ELOVL5: variants seen among roughly 807,000 people sequenced by gnomAD.
ELOVL5 encodes the protein ELOVL fatty acid elongase 5.
A neutral mutation model predicts 38.6 loss-of-function variants in ELOVL5; 8 were observed. The ratio of observed to expected loss-of-function variants is 0.21; its 90% CI spans 0.12 to 0.37. The LOEUF (loss-of-function observed/expected upper bound fraction) is 0.37. ELOVL5 is among the 10% of genes least tolerant of loss of function. The pLI is 1.00. For synonymous variants in ELOVL5, 127 were observed against 133.7 expected, an observed-to-expected ratio of 0.95 and a Z score of 0.34; for missense variants, 280 against 367.8, an observed-to-expected ratio of 0.76 and a Z score of 1.95.
At chr6:53,300,801 C>T (rs1767219750) in intron 1 of ELOVL5, among the ~76,000 whole-genome samples, 1 of 152,222 alleles carries the variant, frequency 6.6e-6, no homozygotes, top group African/African-American at 2.4e-5. Flanking sequence ...TTCTTGAGAC[C>T]TTTCAGAGAG....
At chr6:53,286,006 C>G (rs2397139) in intron 3 of ELOVL5, among the ~76,000 whole-genome samples, 86,609 of 151,946 alleles carry the variant, frequency 0.57, 26,428 homozygotes, top group African/African-American at 0.81. Context: ...ATATGCACTG[C>G]GAAACCAAAA....
At chr6:53,320,252 G>C (rs1768242483) in intron 1 of ELOVL5, among the ~76,000 whole-genome samples, 1 of 152,128 alleles carries the variant, frequency 6.6e-6, no homozygotes, top group African/African-American at 2.4e-5. Flanking sequence ...AGGAGGCAGA[G>C]GTTGCAGTGA....
At chr6:53,330,517 C>CTTTTT (rs757160862) in intron 1 of ELOVL5, among the ~76,000 whole-genome samples, 4,249 of 91,400 alleles carry the variant, frequency 0.046, 587 homozygotes, top group East Asian at 0.15. Flanking sequence ...TCTTTATAAA[C>CTTTTT]TTTTTTTTTT....
chr6:53,315,710 CAG>C (rs200214079), intron 1 of ELOVL5, among the ~76,000 whole-genome samples: 2,889 of 152,284 alleles, frequency 0.019, 52 homozygotes, highest in Non-Finnish European at 0.03. Flanking sequence ...CTCAAAATGA[CAG>C]AGAGTTTGGA....
rs1277862183 is a variant in ELOVL5 at position 53,268,064 on chromosome 6, TA to T, written c.*1062del. On this transcript the variant is annotated 3_prime_UTR_variant, in exon 8 of 8. Transcript: ENST00000304434. Reference sequence around the variant, plus strand: ...GCTGTAGCTATATTTGATTTTACCTTAAAAAGTTCTAAGGTCCTTTCCCCCC... The same window carrying T: ...GCTGTAGCTATATTTGATTTTACCTTAAAAGTTCTAAGGTCCTTTCCCCCC... 6.6e-6 allele frequency: 1 copy of T among 152,216 alleles called. No individual in the cohort carries two copies. The highest frequency in any genetic ancestry group is 1.9e-4 in the East Asian group (1 of 5,206). The allele number at this position is 152,216 out of a possible 1,614,324, so 9.4% of individuals were successfully genotyped here.
intron 1 of ELOVL5, among the ~76,000 whole-genome samples, chr6:53,296,472 G>A (rs1294518589): frequency 6.6e-6 from 1 of 152,040 alleles, no homozygotes; most frequent in Non-Finnish European, 1.5e-5. Flanking sequence ...CAGTGAGAAT[G>A]AATATAGTTT....
At chr6:53,328,165 T>C (rs1038771915) in intron 1 of ELOVL5, among the ~76,000 whole-genome samples, 3 of 152,206 alleles carry the variant, frequency 2.0e-5, no homozygotes, top group African/African-American at 7.2e-5. Context: ...CACTGCCCAA[T>C]GAGACAGACA....
At position 53,344,201 on chromosome 6, in the gene ELOVL5, A is replaced by G. The variant is rs140061827; in HGVS notation, c.-9+4616T>C. 9.0e-4 allele frequency among the ~76,000 whole-genome samples: 137 copies of G among 152,346 alleles called. 3 individuals are homozygous for G. The South Asian group carries it at 0.011, about 13-fold the overall frequency. The stretch of plus-strand genomic sequence containing the variant: ...GAAGAAACAGCTAGTCTGGATATCT[A>G]TCTAGGCTGTGGGGCTATTTCCATC... On this transcript the variant is annotated intron_variant, in intron 1 of 7. Coordinates refer to ENST00000304434, the MANE Select transcript of ELOVL5 (RefSeq NM_021814.5).
At chr6:53,341,357 A>G (rs1769317388) in intron 1 of ELOVL5, among the ~76,000 whole-genome samples, 1 of 152,234 alleles carries the variant, frequency 6.6e-6, no homozygotes, top group South Asian at 2.1e-4. Flanking sequence ...CCTCTCATGT[A>G]TCTAAAGCTG....
At chr6:53,296,541 T>C (rs1165021851) in intron 1 of ELOVL5, among the ~76,000 whole-genome samples, 1 of 152,166 alleles carries the variant, frequency 6.6e-6, no homozygotes, top group African/African-American at 2.4e-5. Context: ...AGCTGTGATG[T>C]AAAATATATT....
intron 1 of ELOVL5, among the ~76,000 whole-genome samples, chr6:53,330,792 CT>C (rs1293012578): frequency 6.6e-6 from 1 of 151,958 alleles, no homozygotes; most frequent in Non-Finnish European, 1.5e-5. Context: ...ATTCTGTAAG[CT>C]TTTTTCTATT....
At chr6:53,346,364 T>G (rs991601229) in intron 1 of ELOVL5, among the ~76,000 whole-genome samples, 2 of 152,176 alleles carry the variant, frequency 1.3e-5, no homozygotes, top group African/African-American at 2.4e-5. Flanking sequence ...GGTGCTGCAA[T>G]AAACATACGT....
intron 2 of ELOVL5, among the ~76,000 whole-genome samples, 173 bp from the exon 3 acceptor site, chr6:53,292,136 A>C (rs551889419): frequency 1.3e-5 from 2 of 152,210 alleles, no homozygotes; most frequent in East Asian, 1.9e-4. Context: ...AACAAGGTGA[A>C]GCTCCTTGTT....
intron 7 of ELOVL5, among the ~76,000 whole-genome samples, chr6:53,269,819 A>C (rs1765858779): frequency 6.6e-6 from 1 of 152,226 alleles, no homozygotes; most frequent in Non-Finnish European, 1.5e-5. Context: ...TAAACTATGA[A>C]GCCCAGAAGT....
chr6:53,269,362 G>T, intron 7 of ELOVL5, 92 bp from the exon 8 acceptor site: 1 of 983,518 alleles, frequency 1.0e-6, no homozygotes, highest in Non-Finnish European at 1.4e-6. Context: ...ACTAGGCCTA[G>T]TTTCAAGATC....
chr6:53,334,776 C>A (rs1403447779), intron 1 of ELOVL5, among the ~76,000 whole-genome samples: 1 of 152,122 alleles, frequency 6.6e-6, no homozygotes, highest in Non-Finnish European at 1.5e-5. Context: ...TTCCTTCCAA[C>A]TCCCTCATTT....
Position 53,295,627 on chromosome 6 carries a change from CA to C in ELOVL5, c.58+14del. The C allele has an allele frequency of 1.9e-6, 3 of 1,594,086 alleles. No homozygotes were observed. The highest frequency in any genetic ancestry group is 1.8e-5 in the Admixed American group (1 of 55,462). On this transcript the variant is annotated intron_variant, in intron 2 of 7. Coordinates refer to ENST00000304434, the MANE Select transcript of ELOVL5 (RefSeq NM_021814.5). ...TGATGCTGCAGAAGGTAAGCAAAAC[CA>C]AAAACCACCTTACCTCGAGGGCCTA...
chr6:53,346,812 T>C (rs994858153), intron 1 of ELOVL5, among the ~76,000 whole-genome samples: 2 of 152,122 alleles, frequency 1.3e-5, no homozygotes, highest in African/African-American at 4.8e-5. Flanking sequence ...AAGCAACCAT[T>C]ATGCAGGGAG....
chr6:53,299,884 T>C (rs1456615395), intron 1 of ELOVL5, among the ~76,000 whole-genome samples: 4 of 152,228 alleles, frequency 2.6e-5, no homozygotes, highest in African/African-American at 9.7e-5. Flanking sequence ...TGCAGAACTT[T>C]TCACAATCAA....
Sources: allele counts gnomAD v4.1 joint callset (sites outside exome capture counted in the v4.1 genomes callset), GRCh38; gene constraint gnomAD v4.1.1; transcripts MANE v1.5; gene names NCBI Gene and HGNC (gene_info 2026-07-23, HGNC 2026-07-21).